RASAL2: variants seen among roughly 807,000 people sequenced by gnomAD.
RASAL2 encodes RAS protein activator like 2, also known as ras GTPase-activating protein nGAP.
RASAL2 carries 58 observed loss-of-function variants against 128.9 expected under a neutral mutation model. The observed-to-expected ratio is 0.45, with a 90% CI of 0.36 to 0.56. The LOEUF (loss-of-function observed/expected upper bound fraction) is 0.56. Ranked by LOEUF, RASAL2 falls within the 20% of genes least tolerant of loss-of-function variation. The pLI is 0.00. For missense variants in RASAL2, 1,360 were observed against 1,601.6 expected (o/e 0.85, Z 2.57); for synonymous variants, 561 against 580.8 (o/e 0.97, Z 0.49).
intron 3 of RASAL2, among the ~76,000 whole-genome samples, chr1:178,302,320 A>C (rs1164678456): frequency 6.6e-6 from 1 of 152,088 alleles, no homozygotes; most frequent in African/African-American, 2.4e-5. Flanking sequence ...ATAGAAACTA[A>C]AATATAAGTT....
At chr1:178,311,367 G>A (rs907005271) in intron 3 of RASAL2, among the ~76,000 whole-genome samples, 3 of 151,658 alleles carry the variant, frequency 2.0e-5, no homozygotes, top group East Asian at 1.9e-4. Context: ...TGGCTATGAA[G>A]AAGGCTAAAA....
chr1:178,288,800 G>A (rs1025951907), intron 2 of RASAL2, among the ~76,000 whole-genome samples: 6 of 151,420 alleles, frequency 4.0e-5, no homozygotes, highest in African/African-American at 7.3e-5. Context: ...ACAGGCATGC[G>A]CCACCATGCC....
intron 12 of RASAL2, chr1:178,456,406 C>G: frequency 2.5e-6 from 1 of 403,452 alleles, no homozygotes; most frequent in Non-Finnish European, 4.6e-6. Context: ...GCTTCGCATG[C>G]CTATTTTAGT....
At chr1:178,417,781 G>C (rs1174057090) in intron 4 of RASAL2, among the ~76,000 whole-genome samples, 1 of 129,978 alleles carries the variant, frequency 7.7e-6, no homozygotes, top group African/African-American at 3.2e-5. Context: ...AAAAAAAAAA[G>C]TGCCACAAAA....
At chr1:178,454,342 C>A (rs1677612026) in intron 11 of RASAL2, 105 bp from the exon 12 acceptor site, 1 of 851,074 alleles carries the variant, frequency 1.2e-6, no homozygotes, top group East Asian at 2.6e-5. Flanking sequence ...ATTAGTCATT[C>A]CCTCCACAAA....
At chr1:178,372,435 AG>A in intron 3 of RASAL2, 1 of 808,610 alleles carries the variant, frequency 1.2e-6, no homozygotes, top group Non-Finnish European at 1.5e-6. Context: ...AAAGGAGAAG[AG>A]GAATTAAGGG....
At chr1:178,174,456 T>C (rs1055496472) in intron 1 of RASAL2, among the ~76,000 whole-genome samples, 3 of 152,134 alleles carry the variant, frequency 2.0e-5, no homozygotes, top group Non-Finnish European at 4.4e-5. Context: ...AAACAAATGC[T>C]GTACTTTTCT....
At chr1:178,102,879 C>T (rs1227769901) in intron 1 of RASAL2, among the ~76,000 whole-genome samples, 4 of 152,092 alleles carry the variant, frequency 2.6e-5, no homozygotes, top group Admixed American at 6.6e-5. Context: ...CATACCTATT[C>T]CACGTGCATA....
chr1:178,329,159 C>T (rs929449359), intron 3 of RASAL2, among the ~76,000 whole-genome samples: 10 of 152,126 alleles, frequency 6.6e-5, no homozygotes, highest in African/African-American at 2.4e-4. Flanking sequence ...GCAAAGCAAA[C>T]ACCTTTACAA....
At chr1:178,204,193 G>A (rs148923683) in intron 1 of RASAL2, among the ~76,000 whole-genome samples, 2,022 of 152,294 alleles carry the variant, frequency 0.013, 27 homozygotes, top group Admixed American at 0.039. Context: ...TTAACTTTAT[G>A]TAATAACATT....
chr1:178,463,205 A>G (rs1027927721), intron 14 of RASAL2, among the ~76,000 whole-genome samples: 9 of 152,148 alleles, frequency 5.9e-5, no homozygotes, highest in Admixed American at 1.3e-4. Context: ...CCCTCTATTT[A>G]ATTATAAAAG....
chr1:178,260,284 G>A (rs1329711849), intron 1 of RASAL2, among the ~76,000 whole-genome samples: 3 of 141,248 alleles, frequency 2.1e-5, no homozygotes, highest in Non-Finnish European at 3.0e-5. Context: ...CCGGAGAGGC[G>A]GAGGTTGCAG....
rs574207311 is a variant in RASAL2, at chr1:178,455,414, T to C, written c.2211+766T>C. Reference sequence around the variant, plus strand: ...TTAGAATAACTTCAAAAGACAGTCATTTTTCTATGATAATGATCTACTTAT... The same window carrying C: ...TTAGAATAACTTCAAAAGACAGTCACTTTTCTATGATAATGATCTACTTAT... On this transcript the variant is annotated intron_variant, in intron 12 of 17. Transcript: ENST00000367649. Among the ~76,000 whole-genome samples, 3 of 152,330 alleles carry C rather than the reference T, an allele frequency of 2.0e-5. No individual in the cohort carries two copies. In the East Asian group the frequency reaches 5.8e-4, roughly 29 times the overall value.
chr1:178,395,743 C>G (rs1288974208), intron 4 of RASAL2, among the ~76,000 whole-genome samples: 2 of 144,826 alleles, frequency 1.4e-5, no homozygotes, highest in Non-Finnish European at 3.0e-5. Context: ...ATAGGATCGC[C>G]CTCCAGTGAG....
chr1:178,109,138 C>T (rs1342114895), intron 1 of RASAL2, among the ~76,000 whole-genome samples: 1 of 152,182 alleles, frequency 6.6e-6, no homozygotes, highest in Non-Finnish European at 1.5e-5. Context: ...ATTCAGGTGG[C>T]TCTCTACTTT....
chr1:178,195,240 C>T (rs1662621136), intron 1 of RASAL2, among the ~76,000 whole-genome samples: 1 of 152,174 alleles, frequency 6.6e-6, no homozygotes, highest in Non-Finnish European at 1.5e-5. Context: ...TATATTCTAG[C>T]ATACAATCTA....
At chr1:178,236,711 A>G (rs1571677771) in intron 1 of RASAL2, among the ~76,000 whole-genome samples, 1 of 150,746 alleles carries the variant, frequency 6.6e-6, no homozygotes, top group East Asian at 1.9e-4. Context: ...TCTAGCTTTT[A>G]CTTATGAGCA....
intron 2 of RASAL2, among the ~76,000 whole-genome samples, chr1:178,296,668 A>ATT (rs1160539560): frequency 6.4e-4 from 73 of 113,728 alleles, no homozygotes; most frequent in Admixed American, 1.0e-3. Flanking sequence ...CCTGGCCTTG[A>ATT]TTTTTTTTTT....
chr1:178,428,821 A>G (rs904811085), intron 5 of RASAL2, among the ~76,000 whole-genome samples: 1 of 152,136 alleles, frequency 6.6e-6, no homozygotes, highest in African/African-American at 2.4e-5. Flanking sequence ...AGTTACAGGC[A>G]GTCTGCCTGC....
Sources: gnomAD v4.1 joint callset for allele counts (sites outside exome capture counted in the v4.1 genomes callset) on GRCh38, gnomAD v4.1.1 for gene constraint, MANE v1.5 for transcripts, NCBI Gene and HGNC (gene_info 2026-07-23, HGNC 2026-07-21) for gene names.